Variants in NTRK1 observed in about 807,000 individuals in gnomAD.
NTRK1 encodes high affinity nerve growth factor receptor.
In NTRK1, 62 loss-of-function variants were observed where a neutral mutation model predicts 86.8. The observed-to-expected ratio is 0.71, with a 90% CI of 0.58 to 0.88. NTRK1 has a LOEUF of 0.88. NTRK1 is among the 40% of genes least tolerant of loss of function. NTRK1 has a pLI of 0.00. For synonymous variants in NTRK1, 469 were observed against 456.6 expected (o/e 1.03, Z -0.35); for missense variants, 967 against 1,078.4 (o/e 0.90, Z 1.45).
chr1:156,842,845 A>G (rs1654847893), intron 2 of NTRK1, among the ~76,000 whole-genome samples: 1 of 151,954 alleles, frequency 6.6e-6, no homozygotes, highest in South Asian at 2.1e-4. Flanking sequence ...ACCCTGTTTG[A>G]CTCTAACCCT....
chr1:156,866,730 C>T (rs1048989623), intron 3 of NTRK1, among the ~76,000 whole-genome samples, 180 bp from the exon 4 acceptor site: 14 of 149,102 alleles, frequency 9.4e-5, no homozygotes, highest in Non-Finnish European at 1.9e-4. Context: ...CTCAGAAAGT[C>T]CCCCCACCCC....
chr1:156,821,257 G>C (rs1654180935), intron 1 of NTRK1, among the ~76,000 whole-genome samples: 1 of 152,130 alleles, frequency 6.6e-6, no homozygotes, highest in African/African-American at 2.4e-5. Flanking sequence ...GGGTTTTCTA[G>C]GTGTACCAGC....
At chr1:156,875,082 C>T (rs546448468) in intron 11 of NTRK1, 74 bp downstream of exon 11, 3 of 1,122,962 alleles carry the variant, frequency 2.7e-6, no homozygotes, top group East Asian at 4.7e-5. Context: ...CTTCCTGACT[C>T]TGTCTCTGGG....
At chr1:156,873,997 G>C (rs930600128) in intron 8 of NTRK1, 38 bp downstream of exon 8, 7 of 1,543,068 alleles carry the variant, frequency 4.5e-6, no homozygotes, top group Admixed American at 2.0e-5. Flanking sequence ...CCACTCCTGG[G>C]CTCCTCCTGG....
chr1:156,843,674 A>G (rs752585532), intron 2 of NTRK1, among the ~76,000 whole-genome samples: 2 of 152,196 alleles, frequency 1.3e-5, no homozygotes, highest in Non-Finnish European at 2.9e-5. Context: ...TCTAACAGGG[A>G]ATAGGGAGGA....
rs539565264 is a variant in NTRK1 at position 156,881,762 on chromosome 1, G to A, written c.*120G>A. 1 of 1,041,618 alleles carries A rather than the reference G, an allele frequency of 9.6e-7. No individual in the cohort carries two copies. Among genetic ancestry groups the A allele is most frequent in the Admixed American group, 3.0e-5 (1 of 33,472 alleles). 64.5% of individuals were successfully genotyped at this position (1,041,618 alleles called of 1,614,324 possible). On this transcript the variant is annotated 3_prime_UTR_variant, in exon 17 of 17. Coordinates refer to ENST00000524377, the MANE Select transcript of NTRK1 (RefSeq NM_002529.4). ...AGTATCTAATTCACCCTCAGCATGT[G>A]GGAAGGGACAGGTGGGGGCTGGGAG...
intron 2 of NTRK1, chr1:156,853,600 A>G (rs1288694149): frequency 1.2e-6 from 1 of 802,874 alleles, no homozygotes; most frequent in Non-Finnish European, 1.9e-6. Flanking sequence ...AACTTTTCTG[A>G]GCCTTAGTTT....
chr1:156,868,774 G>A (rs962582270), intron 6 of NTRK1, 127 bp downstream of exon 6: 279 of 1,396,764 alleles, frequency 2.0e-4, no homozygotes, highest in Non-Finnish European at 2.4e-4. Context: ...GTTGAGGGAC[G>A]GACAGAGATG....
intron 8 of NTRK1, 200 bp from the exon 9 acceptor site, chr1:156,874,183 C>T (rs2102907756): frequency 2.1e-6 from 2 of 934,824 alleles, no homozygotes; most frequent in Non-Finnish European, 3.4e-6. Context: ...GAGGAGACAG[C>T]CATGCAGCAG....
At chr1:156,833,388 C>T (rs551301523) in intron 1 of NTRK1, among the ~76,000 whole-genome samples, 33 of 152,244 alleles carry the variant, frequency 2.2e-4, no homozygotes, top group Non-Finnish European at 3.4e-4. Context: ...GAAACCCCAT[C>T]TCTACTAAAA....
At chr1:156,863,557 T>G (rs1655782622) in intron 1 of NTRK1, among the ~76,000 whole-genome samples, 1 of 152,070 alleles carries the variant, frequency 6.6e-6, no homozygotes, top group African/African-American at 2.4e-5. Context: ...CCTGTAAGAC[T>G]CTTGCTTGAT....
chr1:156,832,561 G>A (rs944149930), intron 1 of NTRK1, among the ~76,000 whole-genome samples: 7 of 152,176 alleles, frequency 4.6e-5, no homozygotes, highest in Non-Finnish European at 8.8e-5. Flanking sequence ...GGAGAGTGGA[G>A]GATGCTGAGT....
At chr1:156,839,514 A>G (rs1654698771) in intron 1 of NTRK1, among the ~76,000 whole-genome samples, 1 of 152,226 alleles carries the variant, frequency 6.6e-6, no homozygotes. Flanking sequence ...CAACATCCAC[A>G]TGCCTCAATG....
At position 156,868,213 on chromosome 1, in the gene NTRK1, C is replaced by G. The variant is rs1571689751; in HGVS notation, c.538C>G (p.Gln180Glu). 1 of 1,612,620 alleles carries G rather than the reference C, an allele frequency of 6.2e-7. No homozygotes were observed. The highest frequency in any genetic ancestry group is 8.5e-7 in the Non-Finnish European group (1 of 1,180,036). ...TGAACAGAAGCTGCAGTGTCATGGG[C>G]AAGGGCCCCTGGCCCACATGCCCAA... ...VPEQKLQCHG[Q>E]GPLAHMPNAS... Residue 180 changes from glutamine (Q) to glutamate (E), a missense_variant, in exon 5 of 17, where the codon CAA (glutamine) becomes GAA (glutamate). This residue lies in a region of NTRK1 where 330 missense variants were observed against 302.0 expected (regional missense o/e 1.09). Coordinates refer to ENST00000524377, the MANE Select transcript of NTRK1 (RefSeq NM_002529.4).
chr1:156,876,490 T>C lies in NTRK1; in HGVS notation c.1723T>C (p.Phe575Leu), dbSNP rs769636137. The C allele has an allele frequency of 2.5e-6, 4 of 1,613,792 alleles. No homozygotes were observed. The highest frequency in any genetic ancestry group is 1.6e-4 in the Middle Eastern group (1 of 6,062). ...TMLQHQHIVR[F>L]FGVCTEGRPL... ...GCTGCAGCACCAGCACATCGTGCGCTTCTTCGGCGTCTGCACCGAGGGCCG... is the reference window on the plus strand; with the variant it reads ...GCTGCAGCACCAGCACATCGTGCGCCTCTTCGGCGTCTGCACCGAGGGCCG... Residue 575 changes from phenylalanine to leucine, a missense_variant, in exon 14 of 17, where the codon TTC becomes CTC. Physicochemically the swap from Phe to Leu is conservative, Grantham distance 22 (BLOSUM62 0). Around this residue, in one of 2 missense-constraint regions of NTRK1, gnomAD observed 637 missense variants for 776.5 expected, o/e 0.82. Coordinates refer to ENST00000524377, the MANE Select transcript of NTRK1 (RefSeq NM_002529.4).
Position 156,860,984 on chromosome 1 carries a change from C to T in NTRK1, c.50C>T (p.Ala17Val), listed in dbSNP as rs2102879031. 1 of 1,525,672 alleles carries T rather than the reference C, an allele frequency of 6.6e-7. No individual in the cohort carries two copies. The allele number at this position is 1,525,672 out of a possible 1,614,324, so 94.5% of individuals were successfully genotyped here. ...CAGCTTGGCTGGCACAGCTGGGCTG[C>T]GGGGCCGGGCAGCCTGCTGGCTTGG... ...RGQLGWHSWAAGPGSLLAWLI... is the reference protein window; with the variant it reads ...RGQLGWHSWAVGPGSLLAWLI... Residue 17 changes from alanine to valine, a missense_variant, in exon 1 of 17, where the codon GCG becomes GTG. Coordinates refer to ENST00000524377, the MANE Select transcript of NTRK1 (RefSeq NM_002529.4).
At chr1:156,847,704 C>T (rs1284387802) in intron 2 of NTRK1, among the ~76,000 whole-genome samples, 1 of 151,876 alleles carries the variant, frequency 6.6e-6, no homozygotes, top group African/African-American at 2.4e-5. Context: ...GTCATGGGAG[C>T]AGGTGTCCTG....
Position 156,864,722 on chromosome 1 carries a change from C to A in NTRK1, c.288-6C>A, listed in dbSNP as rs753069918. 1 of 1,613,956 alleles carries A rather than the reference C, an allele frequency of 6.2e-7. No individual in the cohort carries two copies. The highest frequency in any genetic ancestry group is 2.2e-5 in the East Asian group (1 of 44,884). On this transcript the variant is annotated splice_region_variant and splice_polypyrimidine_tract_variant and intron_variant, in intron 2 of 16. Coordinates refer to ENST00000524377, the MANE Select transcript of NTRK1 (RefSeq NM_002529.4). The stretch of plus-strand genomic sequence containing the variant: ...TGGGGACTGATCCTCCTGCACCCCT[C>A]CCCAGCACCATCGTGAAGAGTGGTC...
intron 16 of NTRK1, chr1:156,880,529 G>C (rs1443640578): frequency 3.8e-6 from 1 of 262,914 alleles, no homozygotes; most frequent in African/African-American, 2.2e-5. Context: ...ACTGCAGCAG[G>C]ACGGCTGGAG....
Sources: gnomAD v4.1 joint callset for allele counts (sites outside exome capture counted in the v4.1 genomes callset) on GRCh38, gnomAD v4.1.1 for gene constraint, gnomAD v4.1.1 regional missense constraint, MANE v1.5 for transcripts, NCBI Gene and HGNC (gene_info 2026-07-23, HGNC 2026-07-21) for gene names.